The following DMD variants were observed in gnomAD, a reference collection of about 807,000 sequenced individuals.
DMD encodes dystrophin.
DMD carries 63 observed loss-of-function variants against 330.1 expected under a neutral mutation model. The observed-to-expected ratio is 0.19, with a 90% CI of 0.16 to 0.24. The LOEUF (loss-of-function observed/expected upper bound fraction) is 0.24, where lower values mean the gene tolerates loss of function less well. Among genes scored for constraint, DMD ranks in the 10% least tolerant of loss-of-function variants. The pLI is 1.00. For missense variants in DMD, 3,344 were observed against 2,684.1 expected, an observed-to-expected ratio of 1.25 and a Z score of -5.43; for synonymous variants, 1,223 against 959.8, an observed-to-expected ratio of 1.27 and a Z score of -5.07.
At position 31,717,413 on chromosome X, in the gene DMD, G is replaced by A. The variant is rs931953043; in HGVS notation, c.7660+12218C>T. On this transcript the variant is annotated intron_variant, in intron 52 of 78. Transcript: ENST00000357033. ...TTTATTGCTATGTCTCTTAAAGTAC[G>A]TTTGGCATGGTACCCAACATTGAGA... Among the ~76,000 whole-genome samples the A allele has an allele frequency of 5.4e-5, 6 of 111,719 alleles. 1 individual carries two copies. The highest frequency in any genetic ancestry group is 2.0e-4 in the African/African-American group (6 of 30,681).
At chrX:32,033,283 T>G (rs1256901184) in intron 44 of DMD, among the ~76,000 whole-genome samples, 1 of 111,290 alleles carries the variant, frequency 9.0e-6, no homozygotes, top group East Asian at 2.8e-4. Context: ...TTAAGTAGGA[T>G]GAATTAGCTC....
At chrX:32,465,486 GACGATCACCTTGCTGTTATCTTTC>G (rs2098398546) in intron 23 of DMD, among the ~76,000 whole-genome samples, 1 of 109,078 alleles carries the variant, frequency 9.2e-6, no homozygotes, top group African/African-American at 3.3e-5. Context: ...AGAACTTCAA[GACGATCACCTTGCTGTTATCTTTC>G]AAGTCTACAT....
In DMD at chrX:32,506,133, T is replaced by C. The variant is rs1295574234; in HGVS notation, c.2293-4291A>G. ...TGTAAATTTGTTTAAACTCACAGAATGTGTGGCACCAATAGGGAAAGCTAA... is the reference window on the plus strand; with the variant it reads ...TGTAAATTTGTTTAAACTCACAGAACGTGTGGCACCAATAGGGAAAGCTAA... On this transcript the variant is annotated intron_variant, in intron 18 of 78. Coordinates refer to ENST00000357033, the MANE Select transcript of DMD (RefSeq NM_004006.3). Among the ~76,000 whole-genome samples the C allele has an allele frequency of 2.7e-5, 3 of 111,889 alleles. No homozygotes were observed. The East Asian group carries it at 8.4e-4, about 31-fold the overall frequency.
intron 52 of DMD, among the ~76,000 whole-genome samples, chrX:31,687,374 G>A (rs145210613): frequency 9.9e-5 from 11 of 111,547 alleles, no homozygotes; most frequent in African/African-American, 3.3e-4. Context: ...TGGGATTTCT[G>A]AGTCCTGGCC....
At chrX:32,322,764 T>C (rs73462058) in intron 41 of DMD, among the ~76,000 whole-genome samples, 4,887 of 110,637 alleles carry the variant, frequency 0.044, 276 homozygotes, top group African/African-American at 0.15. Context: ...CAATAGTAGC[T>C]TGAAGATAGT....
At position 31,786,672 on chromosome X, in the gene DMD, T is replaced by C. The variant is rs145681709; in HGVS notation, c.7310-12480A>G. 3.2e-3 allele frequency among the ~76,000 whole-genome samples: 360 copies of C among 111,689 alleles called. 3 individuals carry two copies. The highest frequency in any genetic ancestry group is 0.01 in the African/African-American group (318 of 30,702). ...TCCTAGTATTTGTGGTGTGGTTGCA[T>C]TGACTCCAGAATAATAATATCTACA... On this transcript the variant is annotated intron_variant, in intron 50 of 78. Transcript: ENST00000357033.
intron 63 of DMD, among the ~76,000 whole-genome samples, chrX:31,256,871 T>G (rs1183725761): frequency 1.8e-5 from 2 of 110,176 alleles, no homozygotes; most frequent in African/African-American, 6.6e-5. Flanking sequence ...ACGAAGAAAC[T>G]TTTTTACCAA....
chrX:32,461,186 T>C (rs1476539134), intron 25 of DMD, among the ~76,000 whole-genome samples: 3 of 112,020 alleles, frequency 2.7e-5, no homozygotes, highest in Non-Finnish European at 5.6e-5. Flanking sequence ...CAAAAGAGTG[T>C]ATCACACACT....
chrX:31,957,274 T>G (rs1005231431), intron 45 of DMD, among the ~76,000 whole-genome samples: 1 of 112,121 alleles, frequency 8.9e-6, no homozygotes, highest in Non-Finnish European at 1.9e-5. Flanking sequence ...CGTTTCCGCT[T>G]CTATCAACAA....
chrX:32,731,120 T>A (rs375804417), intron 7 of DMD, among the ~76,000 whole-genome samples: 16 of 111,429 alleles, frequency 1.4e-4, no homozygotes, highest in African/African-American at 4.9e-4. Flanking sequence ...GGTCAGGGAG[T>A]TCCCTTTCCT....
intron 49 of DMD, among the ~76,000 whole-genome samples, chrX:31,833,359 AAGAG>A (rs61677647): frequency 9.7e-4 from 49 of 50,442 alleles, no homozygotes; most frequent in African/African-American, 2.6e-3. Context: ...GAGGGAGGGA[AAGAG>A]AGAGAGAGAG....
At chrX:32,058,560 C>A (rs2096198561) in intron 44 of DMD, among the ~76,000 whole-genome samples, 3 of 90,660 alleles carry the variant, frequency 3.3e-5, no homozygotes, top group Admixed American at 1.3e-4. Context: ...TTAGGATAAC[C>A]ATTATTAAAA....
chrX:31,983,674 A>G (rs1251321937), intron 44 of DMD, among the ~76,000 whole-genome samples: 1 of 111,948 alleles, frequency 8.9e-6, no homozygotes, highest in Non-Finnish European at 1.9e-5. Flanking sequence ...GGCAGTTACC[A>G]TACAGAAATG....
At chrX:32,483,717 G>T (rs1173784556) in intron 21 of DMD, among the ~76,000 whole-genome samples, 1 of 94,108 alleles carries the variant, frequency 1.1e-5, no homozygotes, top group Non-Finnish European at 2.1e-5. Context: ...CAGAGGCACA[G>T]TAACAAGTAT....
At chrX:32,490,641 C>G (rs1034969024) in intron 20 of DMD, among the ~76,000 whole-genome samples, 1 of 111,447 alleles carries the variant, frequency 9.0e-6, no homozygotes, top group African/African-American at 3.3e-5. Context: ...GCTGCTTTTA[C>G]CATGAGGATC....
intron 44 of DMD, among the ~76,000 whole-genome samples, chrX:32,142,196 C>T (rs773956877): frequency 2.7e-5 from 3 of 111,198 alleles, no homozygotes; most frequent in Non-Finnish European, 3.8e-5. Context: ...ATAGAAGACA[C>T]GATTGCAGAG....
intron 60 of DMD, among the ~76,000 whole-genome samples, chrX:31,350,668 A>C (rs1314208341): frequency 9.5e-6 from 1 of 105,082 alleles, no homozygotes; most frequent in Non-Finnish European, 2.0e-5. Flanking sequence ...AGAAGAGAAG[A>C]GAAGCGATGC....
chrX:33,214,010 G>A (rs1216849359), upstream of DMD, among the ~76,000 whole-genome samples: 1 of 105,781 alleles, frequency 9.5e-6, no homozygotes, highest in Non-Finnish European at 1.9e-5. Context: ...AAGAATATTA[G>A]ATAAATGCAA....
At chrX:32,476,182 TTCTTTCTGG>T (rs1367096390) in intron 21 of DMD, among the ~76,000 whole-genome samples, 1 of 111,215 alleles carries the variant, frequency 9.0e-6, no homozygotes, top group Non-Finnish European at 1.9e-5. Context: ...CCTCTTTAAC[TTCTTTCTGG>T]TCTTTCTGTT....
Sources: gnomAD v4.1 joint callset for allele counts (sites outside exome capture counted in the v4.1 genomes callset) on GRCh38, gnomAD v4.1.1 for gene constraint, MANE v1.5 for transcripts, NCBI Gene and HGNC (gene_info 2026-07-23, HGNC 2026-07-21) for gene names.